The following CORO7 variants were observed in gnomAD, a reference collection of about 807,000 sequenced individuals.
CORO7 encodes the protein coronin-7.
Under a neutral mutation model 126.6 loss-of-function variants are expected in CORO7, and 107 were observed. The observed-to-expected ratio is 0.85, with a 90% CI of 0.72 to 0.99. The LOEUF is 0.99. Among genes scored for constraint, CORO7 ranks in the 50% least tolerant of loss-of-function variants. The probability of loss-of-function intolerance (pLI) is 0.00; values close to 1 mark genes in which losing one functional copy is unlikely to be tolerated. For synonymous variants in CORO7, 603 were observed against 536.8 expected (o/e 1.12, Z -1.70); for missense variants, 1,314 against 1,255.8 (o/e 1.05, Z -0.70).
chr16:4,361,859 AG>A, intron 16 of CORO7, 125 bp downstream of exon 16: 1 of 1,434,406 alleles, frequency 7.0e-7, no homozygotes, highest in Non-Finnish European at 9.5e-7. Flanking sequence ...GGAGGATCAC[AG>A]GACAGGCGGG....
Position 4,362,958 on chromosome 16 carries a change from G to C in CORO7, c.1276-220C>G. On this transcript the variant is annotated intron_variant, in intron 14 of 27. Transcript: ENST00000251166. This position sits in a 1 kb window ranked among gnomAD's most constrained non-coding sequence, Gnocchi z 5.3. Reference sequence around the variant, plus strand: ...GCGGGGACAGCAAGTGGCAGCTGCTGGCTCCCAGCCCTGCAGGAGGGTGTG... The same window carrying C: ...GCGGGGACAGCAAGTGGCAGCTGCTCGCTCCCAGCCCTGCAGGAGGGTGTG... 1 of 438,542 alleles carries C rather than the reference G, an allele frequency of 2.3e-6. No individual in the cohort carries two copies. 27.2% of individuals were successfully genotyped at this position (438,542 alleles called of 1,614,324 possible).
chr16:4,360,423 C>G, intron 20 of CORO7, 21 bp downstream of exon 20: 1 of 1,612,990 alleles, frequency 6.2e-7, no homozygotes. Flanking sequence ...TGAGGCCACT[C>G]CCCAGCCCCT....
Position 4,412,329 on chromosome 16 carries a change from TCACCCACTAGTCAGA to T in CORO7, c.232+12_232+26del. ...GAGAGGGAGGTGCAAGTTTCAGGCTTCACCCACTAGTCAGACACCCACTCACCTGAATGGCAGCCC... is the reference window on the plus strand; with the variant it reads ...GAGAGGGAGGTGCAAGTTTCAGGCTTCACCCACTCACCTGAATGGCAGCCC... On this transcript the variant is annotated intron_variant, in intron 3 of 27. Transcript: ENST00000251166. The T allele has an allele frequency of 6.2e-7, 1 of 1,613,216 alleles. No individual in the cohort carries two copies. The highest frequency in any genetic ancestry group is 1.7e-5 in the Admixed American group (1 of 59,890).
In CORO7 at chr16:4,412,450, A is replaced by C; in HGVS notation, c.158-20T>G. 1 of 1,613,674 alleles carries C rather than the reference A, an allele frequency of 6.2e-7. No individual in the cohort carries two copies. The highest frequency in any genetic ancestry group is 8.5e-7 in the Non-Finnish European group (1 of 1,179,798). Reference sequence around the variant, plus strand: ...GTACACCTGTTAAACAAACACGGGGACTCTGACTTCAGGCCCCACAGGGCC... The same window carrying C: ...GTACACCTGTTAAACAAACACGGGGCCTCTGACTTCAGGCCCCACAGGGCC... On this transcript the variant is annotated intron_variant, in intron 2 of 27. Transcript: ENST00000251166.
At chr16:4,361,871 C>T in intron 16 of CORO7, 114 bp downstream of exon 16, 1 of 1,478,770 alleles carries the variant, frequency 6.8e-7, no homozygotes, top group Non-Finnish European at 9.1e-7. Context: ...GACAGGCGGG[C>T]AGGAGCCTGA....
chr16:4,379,880 T>TAAAAAAAAAA (rs34020450), intron 9 of CORO7, among the ~76,000 whole-genome samples: 2 of 109,202 alleles, frequency 1.8e-5, no homozygotes, highest in African/African-American at 3.7e-5. Context: ...CTGTCTCTAC[T>TAAAAAAAAAA]AAAAAAAAAA....
At chr16:4,379,456 C>G (rs892624601) in intron 9 of CORO7, among the ~76,000 whole-genome samples, 2 of 152,032 alleles carry the variant, frequency 1.3e-5, no homozygotes, top group African/African-American at 2.4e-5. Flanking sequence ...AGCCCCCGCC[C>G]CCAGGGCCAT....
chr16:4,358,160 G>T, intron 24 of CORO7, 57 bp from the exon 25 acceptor site: 1 of 1,579,846 alleles, frequency 6.3e-7, no homozygotes, highest in South Asian at 1.1e-5. Context: ...AGGGCACACG[G>T]GCATCTGTTG....
chr16:4,367,006 C>T (rs1445320650), intron 9 of CORO7, among the ~76,000 whole-genome samples: 1 of 152,196 alleles, frequency 6.6e-6, no homozygotes, highest in Non-Finnish European at 1.5e-5. Context: ...CAGCCGCCCT[C>T]CACTGTCCAC....
rs969914875 is a variant in CORO7 at position 4,416,572 on chromosome 16, A to G, written c.-54T>C. ...TCGAGGACCCCGGGCGTCGGGTCTCAGGTGCACGCTGAGCAACCGCGACTC... is the reference window on the plus strand; with the variant it reads ...TCGAGGACCCCGGGCGTCGGGTCTCGGGTGCACGCTGAGCAACCGCGACTC... On this transcript the variant is annotated 5_prime_UTR_variant, in exon 1 of 28. Coordinates refer to ENST00000251166, the MANE Select transcript of CORO7 (RefSeq NM_024535.5). The G allele has an allele frequency of 1.3e-5, 21 of 1,559,060 alleles. No homozygotes were observed. The highest frequency in any genetic ancestry group is 1.7e-5 in the Non-Finnish European group (20 of 1,158,004).
At position 4,405,474 on chromosome 16, in the gene CORO7, C is replaced by G. The variant is rs768145970; in HGVS notation, c.564+17G>C. On this transcript the variant is annotated intron_variant, in intron 6 of 27. Transcript: ENST00000251166. ...CCTGCACAGAGCCCCACAGGGCATCCCCACCTGCCTGCTCACCTTGCACGC... is the reference window on the plus strand; with the variant it reads ...CCTGCACAGAGCCCCACAGGGCATCGCCACCTGCCTGCTCACCTTGCACGC... The G allele has an allele frequency of 1.2e-5, 20 of 1,609,758 alleles. No individual in the cohort carries two copies. Among genetic ancestry groups the G allele is most frequent in the Non-Finnish European group, 1.7e-5 (20 of 1,178,806 alleles).
At chr16:4,389,387 T>A (rs2055307750) in intron 7 of CORO7, among the ~76,000 whole-genome samples, 1 of 152,172 alleles carries the variant, frequency 6.6e-6, no homozygotes, top group South Asian at 2.1e-4. Context: ...CCAGTCACCC[T>A]GGCCCCTGGA....
intron 9 of CORO7, among the ~76,000 whole-genome samples, chr16:4,376,463 G>A (rs961730275): frequency 1.3e-5 from 2 of 152,150 alleles, no homozygotes; most frequent in Non-Finnish European, 2.9e-5. Context: ...TGAAGCATAC[G>A]GCACAGGAGG....
At chr16:4,413,062 C>A in intron 2 of CORO7, 1 of 429,336 alleles carries the variant, frequency 2.3e-6, no homozygotes, top group East Asian at 3.8e-5. Flanking sequence ...CCCCTCCCAG[C>A]CCTCCTGGCC....
intron 9 of CORO7, among the ~76,000 whole-genome samples, chr16:4,377,354 G>A: frequency 6.6e-6 from 1 of 150,926 alleles, no homozygotes; most frequent in Non-Finnish European, 1.5e-5. Context: ...CACCGGGTGG[G>A]AGGGTGGGTG....
In CORO7 at chr16:4,406,606, G is replaced by GT. The variant is rs1001970450; in HGVS notation, c.487+894dup. 1.3e-4 allele frequency among the ~76,000 whole-genome samples: 19 copies of GT among 149,422 alleles called. No individual in the cohort carries two copies. The South Asian group carries it at 1.9e-3, about 15-fold the overall frequency. ...TGCGCCACGACGCCCATCCAAGAAG[G>GT]TTTTTTTTTGGTTTTTTTGTTTTTT... On this transcript the variant is annotated intron_variant, in intron 5 of 27. Transcript: ENST00000251166.
At chr16:4,410,268 TA>T (rs1169126133) in intron 3 of CORO7, among the ~76,000 whole-genome samples, 1 of 151,748 alleles carries the variant, frequency 6.6e-6, no homozygotes, top group Non-Finnish European at 1.5e-5. Flanking sequence ...CCACAAAACA[TA>T]AAAAAATCAG....
chr16:4,373,709 A>C (rs1383617497), intron 9 of CORO7, among the ~76,000 whole-genome samples: 1 of 152,136 alleles, frequency 6.6e-6, no homozygotes, highest in Non-Finnish European at 1.5e-5. Flanking sequence ...CAGAAAATTA[A>C]GTCCTTGCCT....
intron 9 of CORO7, among the ~76,000 whole-genome samples, chr16:4,380,704 C>A (rs1343358584): frequency 6.6e-6 from 1 of 152,218 alleles, no homozygotes; most frequent in Non-Finnish European, 1.5e-5. Flanking sequence ...AGTGACGGGG[C>A]TGGGACAGAA....
Sources: allele counts gnomAD v4.1 joint callset (sites outside exome capture counted in the v4.1 genomes callset), GRCh38; gene constraint gnomAD v4.1.1; non-coding constraint Gnocchi (gnomAD v3.1); transcripts MANE v1.5; gene names NCBI Gene and HGNC (gene_info 2026-07-23, HGNC 2026-07-21).